PLSCR4: variants seen among roughly 807,000 people sequenced by gnomAD.
PLSCR4 encodes Ca(2+)-dependent phospholipid scramblase 4.
Under a neutral mutation model 36.3 loss-of-function variants are expected in PLSCR4, and 25 were observed. That is an observed-to-expected ratio of 0.69 (90% CI 0.50 to 0.96). PLSCR4 has a LOEUF of 0.96. Ranked by LOEUF, PLSCR4 falls within the 40% of genes least tolerant of loss-of-function variation. The probability of loss-of-function intolerance (pLI) is 0.00; values close to 1 mark genes in which losing one functional copy is unlikely to be tolerated. For missense variants in PLSCR4, 408 were observed against 414.7 expected, an observed-to-expected ratio of 0.98 and a Z score of 0.14; for synonymous variants, 122 against 132.9, an observed-to-expected ratio of 0.92 and a Z score of 0.56.
intron 6 of PLSCR4, among the ~76,000 whole-genome samples, chr3:146,197,527 G>A (rs960498368): frequency 7.2e-5 from 11 of 152,048 alleles, no homozygotes; most frequent in African/African-American, 2.7e-4. Context: ...ACAAAAAAGA[G>A]GCATTTTGAA....
intron 1 of PLSCR4, among the ~76,000 whole-genome samples, chr3:146,229,490 CCA>C (rs2035610156): frequency 6.6e-6 from 1 of 151,950 alleles, no homozygotes; most frequent in Non-Finnish European, 1.5e-5. Flanking sequence ...AATCCTAACC[CCA>C]CAGAGAGAAG....
At chr3:146,231,575 T>A (rs1044825874) in intron 1 of PLSCR4, among the ~76,000 whole-genome samples, 1 of 152,210 alleles carries the variant, frequency 6.6e-6, no homozygotes, top group Non-Finnish European at 1.5e-5. Context: ...AGATAGTATA[T>A]CATTGTGGTT....
rs1324947498 is a variant in PLSCR4, at chr3:146,239,362, T to C, written c.-22+11598A>G. Among the ~76,000 whole-genome samples, 6 of 152,100 alleles carry C rather than the reference T, an allele frequency of 3.9e-5. No homozygotes were observed. The South Asian group carries it at 6.2e-4, about 16-fold the overall frequency. On this transcript the variant is annotated intron_variant, in intron 1 of 8. Transcript: ENST00000354952. ...GTACTGCAATCAAAACAGTATGGCATTGGTCCAAAGAATAGACATATAGAC... is the reference window on the plus strand; with the variant it reads ...GTACTGCAATCAAAACAGTATGGCACTGGTCCAAAGAATAGACATATAGAC...
chr3:146,202,125 T>C (rs1474844223), intron 4 of PLSCR4, among the ~76,000 whole-genome samples: 1 of 152,032 alleles, frequency 6.6e-6, no homozygotes, highest in Admixed American at 6.6e-5. Context: ...TTAAAACCTT[T>C]TTCTTACATA....
chr3:146,193,920 TTC>T lies in PLSCR4; in HGVS notation c.*489_*490del, dbSNP rs139421502. 0.041 allele frequency: 6,191 copies of T among 152,620 alleles called. 156 individuals are homozygous for T. The highest frequency in any genetic ancestry group is 0.1 in the East Asian group (534 of 5,190). The allele number at this position is 152,620 out of a possible 1,614,324, so 9.5% of individuals were successfully genotyped here. A position where few individuals can be genotyped will look rare whatever the true frequency, so the allele number is the denominator to read the frequency against. Reference sequence around the variant, plus strand: ...TCTTAGTGCAAGAAAACATCATTATTTCTGTCTGCCTGCCTTTTTGTTTTTAA... The same window carrying T: ...TCTTAGTGCAAGAAAACATCATTATTTGTCTGCCTGCCTTTTTGTTTTTAA... On this transcript the variant is annotated 3_prime_UTR_variant, in exon 9 of 9. Coordinates refer to ENST00000354952, the MANE Select transcript of PLSCR4 (RefSeq NM_020353.3).
chr3:146,227,971 A>G (rs2035547418), intron 1 of PLSCR4, among the ~76,000 whole-genome samples: 1 of 152,236 alleles, frequency 6.6e-6, no homozygotes, highest in Non-Finnish European at 1.5e-5. Context: ...TTGTGTGACT[A>G]TTAAATAGTG....
chr3:146,198,076 T>C (rs984593025), intron 6 of PLSCR4, among the ~76,000 whole-genome samples: 1 of 152,116 alleles, frequency 6.6e-6, no homozygotes, highest in Non-Finnish European at 1.5e-5. Flanking sequence ...AGACCAATCC[T>C]GAAAAGTTAC....
Position 146,212,456 on chromosome 3 carries a change from G to GTTT in PLSCR4, c.119-5698_119-5696dup, listed in dbSNP as rs34304483. On this transcript the variant is annotated intron_variant, in intron 3 of 8. Coordinates refer to ENST00000354952, the MANE Select transcript of PLSCR4 (RefSeq NM_020353.3). ...TGTTTTGTTTTTTTTTGTTTTTTGG[G>GTTT]TTTTTTTTTTTTTAGACAGGGTCTC... is the stretch of plus-strand genomic sequence containing the variant. Among the ~76,000 whole-genome samples, 63 of 137,146 alleles carry GTTT rather than the reference G, an allele frequency of 4.6e-4. 1 individual carries two copies. The highest frequency in any genetic ancestry group is 2.3e-3 in the South Asian group (10 of 4,374). The allele number at this position is 137,146 out of a possible 152,430, so 90.0% of individuals were successfully genotyped here.
intron 3 of PLSCR4, among the ~76,000 whole-genome samples, chr3:146,216,472 A>G (rs943334542): frequency 1.3e-5 from 2 of 152,206 alleles, no homozygotes; most frequent in Admixed American, 6.5e-5. Context: ...AAACTTATTG[A>G]GCTCTCATCA....
intron 3 of PLSCR4, among the ~76,000 whole-genome samples, chr3:146,212,191 T>C (rs949085882): frequency 6.6e-5 from 10 of 152,132 alleles, no homozygotes; most frequent in African/African-American, 2.4e-4. Flanking sequence ...TAGTCTTCTT[T>C]AATTTCTTTC....
intron 5 of PLSCR4, among the ~76,000 whole-genome samples, chr3:146,200,480 CA>C (rs2033985506): frequency 6.6e-6 from 1 of 152,018 alleles, no homozygotes; most frequent in Non-Finnish European, 1.5e-5. Context: ...ATGTGGTGGC[CA>C]AATGAATGTG....
rs1431413845 is a variant in PLSCR4, at chr3:146,213,804, C to T, written c.118+7011G>A. 3.3e-5 allele frequency among the ~76,000 whole-genome samples: 5 copies of T among 152,124 alleles called. No individual in the cohort carries two copies. The East Asian group carries it at 7.7e-4, about 23-fold the overall frequency. ...TTTGTCTAGGTTTCCTATTAGCATA[C>T]AATAAATTGTACACACAATTGTTCA... On this transcript the variant is annotated intron_variant, in intron 3 of 8. Coordinates refer to ENST00000354952, the MANE Select transcript of PLSCR4 (RefSeq NM_020353.3).
At chr3:146,225,573 C>A (rs569738045) in intron 1 of PLSCR4, among the ~76,000 whole-genome samples, 7 of 152,334 alleles carry the variant, frequency 4.6e-5, no homozygotes, top group Admixed American at 2.0e-4. Flanking sequence ...CCGAGCCCCG[C>A]CCCGCAGGAA....
chr3:146,248,548 T>TTAC (rs2036434739), intron 1 of PLSCR4, among the ~76,000 whole-genome samples: 1 of 95,690 alleles, frequency 1.0e-5, no homozygotes. Flanking sequence ...TTTAACTTTA[T>TTAC]GTTTTGGACA....
intron 4 of PLSCR4, 92 bp from the exon 5 acceptor site, chr3:146,201,169 A>G: frequency 1.4e-6 from 1 of 736,638 alleles, no homozygotes; most frequent in Non-Finnish European, 2.1e-6. Context: ...ATTAAAATGC[A>G]TCAATTGATA....
chr3:146,196,808 G>C lies in PLSCR4; in HGVS notation c.625-15C>G. ...TGCACCTCCAGCTGCAAACAAAACA[G>C]TGACAGAAGTTAGGATGCTACATGC... On this transcript the variant is annotated splice_polypyrimidine_tract_variant and intron_variant, in intron 6 of 8. Transcript: ENST00000354952. The C allele has an allele frequency of 6.2e-7, 1 of 1,612,596 alleles. No individual in the cohort carries two copies. Among genetic ancestry groups the C allele is most frequent in the Non-Finnish European group, 8.5e-7 (1 of 1,179,022 alleles).
intron 3 of PLSCR4, among the ~76,000 whole-genome samples, chr3:146,219,966 T>C (rs2035064014): frequency 6.6e-6 from 1 of 152,036 alleles, no homozygotes; most frequent in Admixed American, 6.6e-5. Context: ...GCCATTATCT[T>C]GTGCCATTAT....
intron 1 of PLSCR4, among the ~76,000 whole-genome samples, chr3:146,235,857 T>C (rs144824624): frequency 2.6e-5 from 4 of 152,266 alleles, no homozygotes; most frequent in African/African-American, 4.8e-5. Context: ...AACAAAGCAA[T>C]TGGCTGCACT....
intron 3 of PLSCR4, among the ~76,000 whole-genome samples, chr3:146,218,624 T>C (rs1213684187): frequency 6.6e-6 from 1 of 152,156 alleles, no homozygotes; most frequent in Non-Finnish European, 1.5e-5. Flanking sequence ...TGGTATATTA[T>C]ACTTTCTTCT....
Sources: allele counts gnomAD v4.1 joint callset (sites outside exome capture counted in the v4.1 genomes callset), GRCh38; gene constraint gnomAD v4.1.1; transcripts MANE v1.5; gene names NCBI Gene and HGNC (gene_info 2026-07-23, HGNC 2026-07-21).